Variants in SMARCAD1 observed in about 807,000 individuals in gnomAD.
SMARCAD1 encodes SWI/SNF-related matrix-associated actin-dependent regulator of chromatin subfamily A containing DEAD/H box 1.
In SMARCAD1, 25 loss-of-function variants were observed where a neutral mutation model predicts 127.1. That is an observed-to-expected ratio of 0.20 (90% CI 0.14 to 0.27). The LOEUF (loss-of-function observed/expected upper bound fraction) is 0.27. SMARCAD1 is among the 10% of genes least tolerant of loss of function. The pLI is 1.00. For missense variants in SMARCAD1, 807 were observed against 1,206.0 expected (o/e 0.67, Z 4.90); for synonymous variants, 400 against 396.9 (o/e 1.01, Z -0.09).
intron 6 of SMARCAD1, among the ~76,000 whole-genome samples, chr4:94,247,712 C>T (rs571723800): frequency 4.6e-5 from 7 of 152,150 alleles, no homozygotes; most frequent in African/African-American, 9.7e-5. Flanking sequence ...CCCTGGCAAC[C>T]GCCAATCTGC....
At chr4:94,239,793 G>A (rs187769871) in intron 5 of SMARCAD1, among the ~76,000 whole-genome samples, 2 of 152,078 alleles carry the variant, frequency 1.3e-5, no homozygotes, top group East Asian at 3.9e-4. Context: ...GGCTGATCTC[G>A]AACTCCTGAG....
intron 3 of SMARCAD1, among the ~76,000 whole-genome samples, chr4:94,230,067 A>G (rs1418664981): frequency 6.6e-6 from 1 of 152,052 alleles, no homozygotes; most frequent in Admixed American, 6.6e-5. Context: ...TTTGTTATTC[A>G]TTTGAAATAC....
At chr4:94,213,313 G>T (rs368460484) in intron 2 of SMARCAD1, among the ~76,000 whole-genome samples, 1 of 152,128 alleles carries the variant, frequency 6.6e-6, no homozygotes, top group Admixed American at 6.6e-5. Context: ...CCTTTGGAGT[G>T]GACTCTAAAC....
intron 16 of SMARCAD1, 130 bp downstream of exon 16, chr4:94,277,289 T>A (rs764218827): frequency 4.7e-6 from 5 of 1,070,218 alleles, no homozygotes; most frequent in Non-Finnish European, 7.0e-6. Flanking sequence ...AGGTGATAAC[T>A]CTATATTTGG....
At chr4:94,288,601 G>A (rs754869021) in intron 23 of SMARCAD1, among the ~76,000 whole-genome samples, 5 of 152,222 alleles carry the variant, frequency 3.3e-5, no homozygotes, top group Middle Eastern at 3.4e-3. Flanking sequence ...GAAAAGAAGA[G>A]TGGATGAAAG....
chr4:94,274,691 C>G, intron 12 of SMARCAD1, 47 bp from the exon 13 acceptor site: 1 of 1,514,860 alleles, frequency 6.6e-7, no homozygotes, highest in Non-Finnish European at 9.2e-7. Flanking sequence ...ACCATGTGAA[C>G]ATACCCTATT....
At chr4:94,282,311 T>C (rs1197263597) in intron 21 of SMARCAD1, among the ~76,000 whole-genome samples, 2 of 150,288 alleles carry the variant, frequency 1.3e-5, no homozygotes, top group Non-Finnish European at 3.0e-5. Context: ...TTAGCCAGGA[T>C]GGTCTCGATC....
intron 21 of SMARCAD1, 33 bp downstream of exon 21, chr4:94,281,623 A>C: frequency 1.6e-6 from 2 of 1,282,488 alleles, no homozygotes; most frequent in South Asian, 1.2e-5. Flanking sequence ...ACAAAAAAAT[A>C]ACTCATTTAT....
upstream of SMARCAD1, chr4:94,207,647 A>C (rs1231049970): frequency 6.5e-6 from 1 of 153,482 alleles, no homozygotes; most frequent in Non-Finnish European, 1.5e-5. Context: ...GGTGTTTTGG[A>C]AGGTCCCGGC....
At chr4:94,280,477 A>G (rs936390123) in intron 19 of SMARCAD1, 115 bp from the exon 20 acceptor site, 3 of 923,418 alleles carry the variant, frequency 3.2e-6, no homozygotes, top group Non-Finnish European at 1.6e-6. Context: ...CTGTTACACT[A>G]AAAGGTTCTA....
At chr4:94,247,150 C>G (rs1748559623) in intron 6 of SMARCAD1, among the ~76,000 whole-genome samples, 1 of 152,094 alleles carries the variant, frequency 6.6e-6, no homozygotes, top group Non-Finnish European at 1.5e-5. Context: ...ATTCTAGGGA[C>G]TTGGATTTGG....
At position 94,220,889 on chromosome 4, in the gene SMARCAD1, A is replaced by C. The variant is rs577285365; in HGVS notation, c.191-5230A>C. Among the ~76,000 whole-genome samples, 20 of 152,364 alleles carry C rather than the reference A, an allele frequency of 1.3e-4. No homozygotes were observed. In the South Asian group the frequency reaches 4.1e-3, roughly 32 times the overall value. On this transcript the variant is annotated intron_variant, in intron 2 of 23. Transcript: ENST00000354268. ...ATGTCTTTTTAATACTTTGTGAAAC[A>C]AAATGTGAAGTACGCATCACTGCAT...
rs1212036676 is a variant in SMARCAD1 at position 94,289,844 on chromosome 4, C to T, written c.*310C>T. 8.1e-6 allele frequency: 4 copies of T among 490,810 alleles called. No individual in the cohort carries two copies. In the East Asian group the frequency reaches 2.3e-4, roughly 28 times the overall value. 30.4% of individuals were successfully genotyped at this position (490,810 alleles called of 1,614,324 possible). A position where few individuals can be genotyped will look rare whatever the true frequency, so the allele number is the denominator to read the frequency against. ...AAATATGCTAATGCTTTAGAAATGT[C>T]AGTATTTTTGTAATTATTTCTACCT... On this transcript the variant is annotated 3_prime_UTR_variant, in exon 24 of 24. Coordinates refer to ENST00000354268, the MANE Select transcript of SMARCAD1 (RefSeq NM_020159.5).
intron 2 of SMARCAD1, among the ~76,000 whole-genome samples, chr4:94,216,920 C>T (rs536217682): frequency 6.6e-6 from 1 of 152,262 alleles, no homozygotes; most frequent in South Asian, 2.1e-4. Context: ...TGAAACCCTG[C>T]TTTCAGTTCT....
chr4:94,253,671 G>C, intron 9 of SMARCAD1: 1 of 1,009,432 alleles, frequency 9.9e-7, no homozygotes, highest in South Asian at 4.0e-5. Context: ...CATAAGCACT[G>C]GTAAGTACAC....
At chr4:94,276,871 T>C in intron 15 of SMARCAD1, 151 bp from the exon 16 acceptor site, 1 of 855,198 alleles carries the variant, frequency 1.2e-6, no homozygotes, top group Non-Finnish European at 1.8e-6. Flanking sequence ...CGTCAATTAT[T>C]TAAATTACTA....
chr4:94,285,671 CGA>C (rs1171994977), intron 23 of SMARCAD1, among the ~76,000 whole-genome samples: 2 of 152,126 alleles, frequency 1.3e-5, no homozygotes, highest in African/African-American at 2.4e-5. Flanking sequence ...CTGTCTACAG[CGA>C]GAGAGAAGTG....
At chr4:94,276,178 C>T (rs532447436) in intron 14 of SMARCAD1, among the ~76,000 whole-genome samples, 161 bp from the exon 15 acceptor site, 11 of 152,154 alleles carry the variant, frequency 7.2e-5, no homozygotes, top group African/African-American at 2.4e-4. Context: ...AATACAAGTA[C>T]GTCAGTATTT....
intron 10 of SMARCAD1, among the ~76,000 whole-genome samples, chr4:94,266,340 A>G (rs541184424): frequency 6.6e-6 from 1 of 152,276 alleles, no homozygotes; most frequent in South Asian, 2.1e-4. Context: ...AAGTCCTGTT[A>G]CTTGTAAATA....
Sources: gnomAD v4.1 joint callset for allele counts (sites outside exome capture counted in the v4.1 genomes callset) on GRCh38, gnomAD v4.1.1 for gene constraint, MANE v1.5 for transcripts, NCBI Gene and HGNC (gene_info 2026-07-23, HGNC 2026-07-21) for gene names.